CCDC146: variants seen among roughly 807,000 people sequenced by gnomAD.
The protein encoded by CCDC146 is coiled-coil domain containing 146.
A neutral mutation model predicts 119.3 loss-of-function variants in CCDC146; 92 were observed. The ratio of observed to expected loss-of-function variants is 0.77; its 90% CI spans 0.65 to 0.92. The LOEUF is 0.92. Among genes scored for constraint, CCDC146 ranks in the 40% least tolerant of loss-of-function variants. The pLI is 0.00. For missense variants in CCDC146, 1,000 were observed against 1,103.0 expected (o/e 0.91, Z 1.32); for synonymous variants, 372 against 371.8 (o/e 1.00, Z -0.01).
intron 1 of CCDC146, among the ~76,000 whole-genome samples, chr7:77,163,307 G>A (rs1791290225): frequency 6.6e-6 from 1 of 152,124 alleles, no homozygotes; most frequent in Admixed American, 6.6e-5. Context: ...AATTAGCTGG[G>A]TGTGGTGGCA....
chr7:77,221,138 G>T (rs540213812), intron 2 of CCDC146, among the ~76,000 whole-genome samples: 1 of 152,104 alleles, frequency 6.6e-6, no homozygotes, highest in Non-Finnish European at 1.5e-5. Flanking sequence ...CAAGGGGATA[G>T]TGCTATACCA....
At chr7:77,192,209 C>T (rs949743452) in intron 2 of CCDC146, among the ~76,000 whole-genome samples, 3 of 152,116 alleles carry the variant, frequency 2.0e-5, no homozygotes, top group African/African-American at 4.8e-5. Flanking sequence ...CACCAACACC[C>T]AGCTGGGAAT....
intron 3 of CCDC146, 68 bp downstream of exon 3, chr7:77,237,097 T>C: frequency 7.8e-7 from 1 of 1,280,606 alleles, no homozygotes; most frequent in South Asian, 1.2e-5. Context: ...ATGAGACCTG[T>C]CTTCATTTGC....
chr7:77,141,227 T>C (rs1790927740), intron 1 of CCDC146, among the ~76,000 whole-genome samples: 1 of 152,212 alleles, frequency 6.6e-6, no homozygotes, highest in East Asian at 1.9e-4. Context: ...GCTTCATCCA[T>C]GTCCCTGCAA....
Position 77,282,710 on chromosome 7 carries a change from A to G in CCDC146, c.2073A>G (p.Arg691=), listed in dbSNP as rs1204859376. 1.2e-6 allele frequency: 2 copies of G among 1,614,130 alleles called. No homozygotes were observed. The highest frequency in any genetic ancestry group is 2.7e-5 in the African/African-American group (2 of 74,940). ...AAATGAAGATTGCTGAGAAGCAAAG[A>G]CAAATTTGTGTGACCCAGAAATTAC... The part of the protein sequence containing the change: ...FLKMKIAEKQ[R]QICVTQKLLP... The change falls in exon 15 of 19, where the codon AGA becomes AGG. Residue 691 remains arginine (R), a synonymous_variant. Transcript: ENST00000285871.
chr7:77,179,188 G>T (rs116723087), intron 2 of CCDC146, among the ~76,000 whole-genome samples: 1 of 152,160 alleles, frequency 6.6e-6, no homozygotes, highest in Non-Finnish European at 1.5e-5. Flanking sequence ...AGACTGGGAA[G>T]TTAAGGAACA....
intron 4 of CCDC146, among the ~76,000 whole-genome samples, chr7:77,249,565 TTGTCTC>T (rs1793019455): frequency 6.7e-6 from 1 of 150,242 alleles, no homozygotes; most frequent in Non-Finnish European, 1.5e-5. Flanking sequence ...ATGCCCCTCT[TTGTCTC>T]TGATAACTTT....
At chr7:77,129,646 T>C (rs532698542) in intron 1 of CCDC146, among the ~76,000 whole-genome samples, 1 of 152,202 alleles carries the variant, frequency 6.6e-6, no homozygotes, top group East Asian at 1.9e-4. Flanking sequence ...TAATCTCTAC[T>C]GATCTGTCTT....
At chr7:77,191,631 T>C (rs530250621) in intron 2 of CCDC146, among the ~76,000 whole-genome samples, 1 of 152,124 alleles carries the variant, frequency 6.6e-6, no homozygotes, top group Non-Finnish European at 1.5e-5. Context: ...ATTTAGGGCC[T>C]GGCGCAGTGG....
At chr7:77,197,461 A>C (rs1241769420) in intron 2 of CCDC146, among the ~76,000 whole-genome samples, 1 of 152,222 alleles carries the variant, frequency 6.6e-6, no homozygotes, top group Non-Finnish European at 1.5e-5. Context: ...CCAGGACACT[A>C]ACTCAGATCT....
intron 2 of CCDC146, among the ~76,000 whole-genome samples, chr7:77,189,698 G>A (rs1490710905): frequency 6.6e-6 from 1 of 152,232 alleles, no homozygotes; most frequent in Admixed American, 6.5e-5. Flanking sequence ...CAGACCCTCT[G>A]CTGTTTCACA....
intron 16 of CCDC146, 39 bp downstream of exon 16, chr7:77,286,965 CGTT>C: frequency 6.2e-7 from 1 of 1,609,094 alleles, no homozygotes; most frequent in Non-Finnish European, 8.5e-7. Context: ...GTTAGCTCCT[CGTT>C]GATGTAGTTT....
chr7:77,176,563 G>A (rs1306266523), intron 2 of CCDC146, among the ~76,000 whole-genome samples: 5 of 152,066 alleles, frequency 3.3e-5, no homozygotes, highest in Admixed American at 3.3e-4. Context: ...CTGAGCCTAT[G>A]GGGGAAGTCT....
At position 77,177,982 on chromosome 7, in the gene CCDC146, A is replaced by G. The variant is rs190003353; in HGVS notation, c.156+10158A>G. On this transcript the variant is annotated intron_variant, in intron 2 of 18. Coordinates refer to ENST00000285871, the MANE Select transcript of CCDC146 (RefSeq NM_020879.3). ...AATTTAAAAACTTTTCCAGTATGGA[A>G]GAAGACCTTGTAATGCACTTAAATA... Among the ~76,000 whole-genome samples, 445 of 152,170 alleles carry G rather than the reference A, an allele frequency of 2.9e-3. 1 individual carries two copies. Among genetic ancestry groups the G allele is most frequent in the Non-Finnish European group, 5.3e-3 (361 of 68,020 alleles).
intron 2 of CCDC146, chr7:77,193,704 A>C (rs1486275182): frequency 6.6e-6 from 1 of 152,006 alleles, no homozygotes; most frequent in Non-Finnish European, 1.5e-5. Context: ...TTTTCCCCTC[A>C]GTCATAGGTA....
chr7:77,198,041 A>G, intron 2 of CCDC146: 1 of 742,418 alleles, frequency 1.3e-6, no homozygotes, highest in Non-Finnish European at 1.6e-6. Context: ...CAAAATGTTT[A>G]GGAGAAAAAT....
chr7:77,145,938 T>C (rs1470013592), intron 1 of CCDC146, among the ~76,000 whole-genome samples: 1 of 152,118 alleles, frequency 6.6e-6, no homozygotes, highest in African/African-American at 2.4e-5. Context: ...TTAGGTCCAC[T>C]TGGTGCAGAG....
intron 9 of CCDC146, among the ~76,000 whole-genome samples, chr7:77,263,129 C>T (rs1793334049): frequency 6.6e-6 from 1 of 152,164 alleles, no homozygotes; most frequent in Non-Finnish European, 1.5e-5. Context: ...TGGTAGACAC[C>T]TCTGATCCTA....
At chr7:77,124,225 C>T (rs1790663556) in intron 1 of CCDC146, among the ~76,000 whole-genome samples, 1 of 152,016 alleles carries the variant, frequency 6.6e-6, no homozygotes, top group Non-Finnish European at 1.5e-5. Flanking sequence ...AAACAAAAAC[C>T]AAATAGAATT....
Sources: gnomAD v4.1 joint callset for allele counts (sites outside exome capture counted in the v4.1 genomes callset) on GRCh38, gnomAD v4.1.1 for gene constraint, MANE v1.5 for transcripts, NCBI Gene and HGNC (gene_info 2026-07-23, HGNC 2026-07-21) for gene names.